The following GALNT13 variants were observed in gnomAD, a reference collection of about 807,000 sequenced individuals.
GALNT13 encodes UDP-GalNAc:polypeptide N-acetylgalactosaminyltransferase 13.
Under a neutral mutation model 64.2 loss-of-function variants are expected in GALNT13, and 28 were observed. The observed-to-expected ratio is 0.44, with a 90% CI of 0.32 to 0.60. GALNT13 has a LOEUF of 0.60. GALNT13 is among the 20% of genes least tolerant of loss of function. GALNT13 has a pLI of 0.05. For synonymous variants in GALNT13, 214 were observed against 224.6 expected, an observed-to-expected ratio of 0.95 and a Z score of 0.42; for missense variants, 577 against 669.8, an observed-to-expected ratio of 0.86 and a Z score of 1.53.
intron 2 of GALNT13, among the ~76,000 whole-genome samples, chr2:153,909,055 GT>G (rs745706612): frequency 1.2e-4 from 18 of 152,028 alleles, no homozygotes; most frequent in Non-Finnish European, 2.2e-4. Flanking sequence ...TTTTCTATTT[GT>G]TTGTGTCATC....
At chr2:154,022,131 C>T (rs545625461) in intron 3 of GALNT13, among the ~76,000 whole-genome samples, 12 of 152,194 alleles carry the variant, frequency 7.9e-5, no homozygotes, top group African/African-American at 2.6e-4. Context: ...ATTTTTGCAT[C>T]GATGTTCATC....
At chr2:153,803,585 G>C in the GALNT13 span, among the ~76,000 whole-genome samples, 1 of 151,730 alleles carries the variant, frequency 6.6e-6, no homozygotes, top group Admixed American at 6.6e-5. Context: ...CCAGCTACTC[G>C]GGAGGCTGAG....
At chr2:153,800,289 C>T in the GALNT13 span, among the ~76,000 whole-genome samples, 3 of 152,004 alleles carry the variant, frequency 2.0e-5, no homozygotes, top group African/African-American at 7.2e-5. Flanking sequence ...AATTCACATA[C>T]CTTAAAGAAA....
In GALNT13 at chr2:154,028,633, A is replaced by G. The variant is rs142807799; in HGVS notation, c.142+83994A>G. 4.3e-3 allele frequency among the ~76,000 whole-genome samples: 647 copies of G among 152,144 alleles called. 4 individuals carry two copies. The highest frequency in any genetic ancestry group is 0.015 in the African/African-American group (616 of 41,532). On this transcript the variant is annotated intron_variant, in intron 3 of 12. Coordinates refer to ENST00000392825, the MANE Select transcript of GALNT13 (RefSeq NM_052917.4). ...ATTGGGGTCTTGCAGAAGTATATAA[A>G]TTTTTTAATTGTTTAACTTGACTCA...
the GALNT13 span, among the ~76,000 whole-genome samples, chr2:153,497,923 T>C: frequency 2.6e-5 from 4 of 152,158 alleles, no homozygotes; most frequent in Non-Finnish European, 5.9e-5. Flanking sequence ...AAAGAGTCAA[T>C]AAAAAGAAAA....
intron 4 of GALNT13, among the ~76,000 whole-genome samples, chr2:154,160,074 G>T (rs1038791344): frequency 3.9e-5 from 6 of 152,096 alleles, no homozygotes; most frequent in African/African-American, 9.7e-5. Context: ...CTCTAAATTT[G>T]TTGCCAGACT....
the GALNT13 span, among the ~76,000 whole-genome samples, chr2:153,211,278 G>GACTA: frequency 6.6e-6 from 1 of 151,928 alleles, no homozygotes; most frequent in South Asian, 2.1e-4. Context: ...AAGCAGCTGA[G>GACTA]ACTACAGGCA....
chr2:154,186,122 T>C (rs928605097), intron 4 of GALNT13, among the ~76,000 whole-genome samples: 2 of 152,076 alleles, frequency 1.3e-5, no homozygotes, highest in Admixed American at 1.3e-4. Flanking sequence ...TATTCTTAAA[T>C]TGTAATTTTT....
intron 8 of GALNT13, chr2:154,287,369 G>A: frequency 1.9e-6 from 1 of 535,726 alleles, no homozygotes; most frequent in South Asian, 1.8e-5. Context: ...CTCATACTCT[G>A]GGAACGTCAC....
At chr2:154,273,586 A>C (rs1019844462) in intron 8 of GALNT13, among the ~76,000 whole-genome samples, 1 of 152,176 alleles carries the variant, frequency 6.6e-6, no homozygotes, top group African/African-American at 2.4e-5. Context: ...GTCCCATAGG[A>C]TACTACTGTA....
At chr2:153,478,588 G>C in the GALNT13 span, 1 of 1,523,640 alleles carries the variant, frequency 6.6e-7, no homozygotes, top group Non-Finnish European at 8.8e-7. Flanking sequence ...CGGGCGCCGC[G>C]AGCGGCGCGG....
chr2:154,298,959 C>T (rs1161493368), intron 8 of GALNT13, among the ~76,000 whole-genome samples: 1 of 131,020 alleles, frequency 7.6e-6, no homozygotes, highest in Non-Finnish European at 1.7e-5. Flanking sequence ...GAACATGTAT[C>T]GCTAATATGC....
At chr2:153,754,714 C>T in the GALNT13 span, among the ~76,000 whole-genome samples, 1 of 152,228 alleles carries the variant, frequency 6.6e-6, no homozygotes, top group East Asian at 1.9e-4. Flanking sequence ...TGTGCCCTCT[C>T]AGTCCTCTGG....
chr2:154,212,702 C>T (rs1427066456), intron 4 of GALNT13, among the ~76,000 whole-genome samples: 1 of 151,958 alleles, frequency 6.6e-6, no homozygotes, highest in Non-Finnish European at 1.5e-5. Flanking sequence ...CCCTGTTCCC[C>T]TCCTTCTTCC....
At chr2:153,649,710 A>G in the GALNT13 span, among the ~76,000 whole-genome samples, 4 of 152,116 alleles carry the variant, frequency 2.6e-5, no homozygotes, top group African/African-American at 4.8e-5. Flanking sequence ...TTCTGCCTTC[A>G]TTTCATTATG....
chr2:153,320,830 A>T, the GALNT13 span, among the ~76,000 whole-genome samples: 6 of 152,184 alleles, frequency 3.9e-5, no homozygotes, highest in African/African-American at 1.4e-4. Flanking sequence ...GCTTTGGTTC[A>T]ATTCTTAGTT....
chr2:153,203,416 T>C, the GALNT13 span, among the ~76,000 whole-genome samples: 1 of 152,314 alleles, frequency 6.6e-6, no homozygotes, highest in African/African-American at 2.4e-5. Context: ...TTTAACATTA[T>C]TGAACACTTT....
chr2:153,209,914 T>A, the GALNT13 span, among the ~76,000 whole-genome samples: 3 of 152,160 alleles, frequency 2.0e-5, no homozygotes, highest in African/African-American at 4.8e-5. Context: ...ATATTTCATG[T>A]TTTTTCATGC....
At chr2:154,202,871 G>A (rs559084033) in intron 4 of GALNT13, among the ~76,000 whole-genome samples, 7 of 152,082 alleles carry the variant, frequency 4.6e-5, no homozygotes, top group Non-Finnish European at 7.4e-5. Context: ...TAAAAACACA[G>A]AATTCTGAGC....
Sources: allele counts gnomAD v4.1 joint callset (sites outside exome capture counted in the v4.1 genomes callset), GRCh38; gene constraint gnomAD v4.1.1; transcripts MANE v1.5; gene names NCBI Gene and HGNC (gene_info 2026-07-23, HGNC 2026-07-21).